Variants in ZNF486 observed in about 807,000 individuals in gnomAD.
ZNF486 encodes the protein KRAB box only protein 2.
A neutral mutation model predicts 12.8 loss-of-function variants in ZNF486; 12 were observed. The observed-to-expected ratio is 0.94, with a 90% CI of 0.60 to 1.52. The LOEUF is 1.52. Ranked by LOEUF, ZNF486 falls within the 40% of genes most tolerant of loss-of-function variation. The pLI, the probability that ZNF486 is intolerant of heterozygous loss-of-function variation, is 0.00. For synonymous variants in ZNF486, 231 were observed against 184.9 expected, an observed-to-expected ratio of 1.25 and a Z score of -2.02; for missense variants, 738 against 545.0, an observed-to-expected ratio of 1.35 and a Z score of -3.53.
At chr19:20,173,123 C>T (rs1555714159) in intron 1 of ZNF486, among the ~76,000 whole-genome samples, 2 of 152,208 alleles carry the variant, frequency 1.3e-5, no homozygotes, top group South Asian at 4.1e-4. Flanking sequence ...GTAGCTTCCT[C>T]ATGAAGTCTT....
intron 1 of ZNF486, among the ~76,000 whole-genome samples, chr19:20,170,193 G>C (rs375654185): frequency 1.3e-5 from 2 of 148,242 alleles, no homozygotes; most frequent in Non-Finnish European, 3.0e-5. Flanking sequence ...CACCGCGCCC[G>C]GCCAAAATGG....
intron 1 of ZNF486, among the ~76,000 whole-genome samples, chr19:20,180,092 C>T (rs1403929303): frequency 2.0e-5 from 3 of 152,210 alleles, no homozygotes; most frequent in Admixed American, 2.0e-4. Flanking sequence ...CCCTGGTTCA[C>T]CAGGAATTCC....
In ZNF486 at chr19:20,198,208, C is replaced by A. The variant is rs1347873706; in HGVS notation, c.*106C>A. On this transcript the variant is annotated 3_prime_UTR_variant, in exon 4 of 4. Coordinates refer to ENST00000335117, the MANE Select transcript of ZNF486 (RefSeq NM_052852.4). ...TTTGGCTCACCACAACCTCCACCTT[C>A]TGGGTTCAAGTAACTCTCCTTAGTA... 2 of 964,752 alleles carry A rather than the reference C, an allele frequency of 2.1e-6. No individual in the cohort carries two copies. Among genetic ancestry groups the A allele is most frequent in the Admixed American group, 5.5e-5 (2 of 36,216 alleles). 59.8% of individuals were successfully genotyped at this position (964,752 alleles called of 1,614,324 possible).
In ZNF486 at chr19:20,197,266, G is replaced by A. The variant is rs782360975; in HGVS notation, c.556G>A (p.Glu186Lys). ...TGAAAAAAAACCTTTGAAATATATA[G>A]AAGGTGACAAAGCTTTTAACCAGTC... ...HTEKKPLKYI[E>K]GDKAFNQSST... Residue 186 changes from glutamate to lysine, a missense_variant, in exon 4 of 4, where the codon GAA becomes AAA. Transcript: ENST00000335117. 2.5e-6 allele frequency: 4 copies of A among 1,610,980 alleles called. No homozygotes were observed. Among genetic ancestry groups the A allele is most frequent in the Non-Finnish European group, 3.4e-6 (4 of 1,179,244 alleles).
In ZNF486 at chr19:20,197,291, C is replaced by T. The variant is rs782722317; in HGVS notation, c.581C>T (p.Ser194Phe). ...GAAGGTGACAAAGCTTTTAACCAGT[C>T]CTCAACCCATACTACACATAAAAAA... Reference protein sequence around the residue: ...YIEGDKAFNQSSTHTTHKKID... With the variant: ...YIEGDKAFNQFSTHTTHKKID... Residue 194 changes from serine to phenylalanine, a missense_variant, in exon 4 of 4, where the codon TCC becomes TTC. Physicochemically the swap from Ser to Phe is radical, Grantham distance 155. Coordinates refer to ENST00000335117, the MANE Select transcript of ZNF486 (RefSeq NM_052852.4). 5 of 1,611,780 alleles carry T rather than the reference C, an allele frequency of 3.1e-6. No homozygotes were observed. Among genetic ancestry groups the T allele is most frequent in the Middle Eastern group, 1.7e-4 (1 of 5,976 alleles).
Position 20,200,469 on chromosome 19 carries a change from A to C in ZNF486, c.*2367A>C, listed in dbSNP as rs1555718756. The C allele has an allele frequency of 1.3e-5, 2 of 152,156 alleles. No homozygotes were observed. Among genetic ancestry groups the C allele is most frequent in the African/African-American group, 4.8e-5 (2 of 41,442 alleles). 9.4% of individuals were successfully genotyped at this position (152,156 alleles called of 1,614,324 possible). ...ACTTATTGTACTTTTATGTAATAAA[A>C]TGCAGTGCATTTAAAAATTGTTAGA... On this transcript the variant is annotated 3_prime_UTR_variant, in exon 4 of 4. Transcript: ENST00000335117.
Position 20,197,362 on chromosome 19 carries a change from G to T in ZNF486, c.652G>T (p.Ala218Ser), listed in dbSNP as rs782391147. 4 of 1,613,314 alleles carry T rather than the reference G, an allele frequency of 2.5e-6. No individual in the cohort carries two copies. In the Admixed American group the frequency reaches 6.7e-5, roughly 27 times the overall value. ...ATACAAATGTGAAGAATGTGGCAAA[G>T]CCTTCAACCGGTCCTCACACCTTAC... is the stretch of plus-strand genomic sequence containing the variant. The part of the protein sequence containing the change: ...KPYKCEECGK[A>S]FNRSSHLTTH... The change falls in exon 4 of 4, where the codon GCC (alanine) becomes TCC (serine). Residue 218 changes from alanine (A) to serine (S), a missense_variant. Ala to Ser is a moderately conservative substitution (Grantham distance 99). Transcript: ENST00000335117.
chr19:20,184,341 G>A lies in ZNF486; in HGVS notation c.31-15G>A. ...GGCGACTTGGTGAAAATGTGTGTGT[G>A]TGTGTGTTTTTCAGGAATCATTGCA... On this transcript the variant is annotated splice_polypyrimidine_tract_variant and intron_variant, in intron 1 of 3. Coordinates refer to ENST00000335117, the MANE Select transcript of ZNF486 (RefSeq NM_052852.4). 1 of 1,611,618 alleles carries A rather than the reference G, an allele frequency of 6.2e-7. No individual in the cohort carries two copies. Among genetic ancestry groups the A allele is most frequent in the East Asian group, 2.2e-5 (1 of 44,770 alleles).
At chr19:20,190,414 T>G (rs1430046184) in intron 3 of ZNF486, among the ~76,000 whole-genome samples, 3 of 152,244 alleles carry the variant, frequency 2.0e-5, no homozygotes, top group African/African-American at 7.2e-5. Flanking sequence ...TAAGACAAGA[T>G]CTTACCAACA....
At chr19:20,186,784 G>GTTGTTTTTTTTTTT (rs2089851620) in intron 3 of ZNF486, among the ~76,000 whole-genome samples, 1 of 122,482 alleles carries the variant, frequency 8.2e-6, no homozygotes, top group East Asian at 2.7e-4. Flanking sequence ...ATTTTCATAG[G>GTTGTTTTTTTTTTT]TTTTTTTTTT....
intron 1 of ZNF486, among the ~76,000 whole-genome samples, chr19:20,182,958 C>T (rs2089802413): frequency 6.6e-6 from 1 of 152,136 alleles, no homozygotes; most frequent in African/African-American, 2.4e-5. Context: ...AGAGCTGTGT[C>T]CACTCTGCCT....
chr19:20,198,341 G>T lies in ZNF486; in HGVS notation c.*239G>T, dbSNP rs528894963. The T allele has an allele frequency of 9.0e-6, 4 of 445,958 alleles. No homozygotes were observed. The highest frequency in any genetic ancestry group is 2.0e-5 in the African/African-American group (1 of 50,518). The allele number at this position is 445,958 out of a possible 1,614,324, so 27.6% of individuals were successfully genotyped here. A position where few individuals can be genotyped will look rare whatever the true frequency, so the allele number is the denominator to read the frequency against. On this transcript the variant is annotated 3_prime_UTR_variant, in exon 4 of 4. Coordinates refer to ENST00000335117, the MANE Select transcript of ZNF486 (RefSeq NM_052852.4). ...TGGTCTCAATCTCCTAACCTCAGGT[G>T]GTCTGCCTGCTTTGGCCTCCCAAAG...
chr19:20,167,898 T>C (rs781975677), intron 1 of ZNF486, among the ~76,000 whole-genome samples: 7 of 152,014 alleles, frequency 4.6e-5, no homozygotes, highest in Non-Finnish European at 8.8e-5. Flanking sequence ...GTTGTAAAAG[T>C]TGTAAAACAA....
intron 3 of ZNF486, among the ~76,000 whole-genome samples, chr19:20,188,197 G>A (rs1265732644): frequency 1.3e-5 from 2 of 152,052 alleles, no homozygotes; most frequent in African/African-American, 4.8e-5. Flanking sequence ...TAAGTGAGTA[G>A]TCATGGAGAT....
intron 3 of ZNF486, chr19:20,188,647 C>CA (rs1329053166): frequency 1.0e-5 from 4 of 390,462 alleles, no homozygotes; most frequent in Admixed American, 4.5e-5. Context: ...ACCCTGTCTC[C>CA]AAAAAACAAA....
rs78609855 is a variant in ZNF486 at position 20,180,292 on chromosome 19, A to G, written c.31-4064A>G. On this transcript the variant is annotated intron_variant, in intron 1 of 3. Coordinates refer to ENST00000335117, the MANE Select transcript of ZNF486 (RefSeq NM_052852.4). The stretch of plus-strand genomic sequence containing the variant: ...ATCAGAGTTTCTCCAGTTTCCTGGT[A>G]CTTGGATGATAAACAAGGAGGAGAT... 2.3e-3 allele frequency among the ~76,000 whole-genome samples: 350 copies of G among 152,328 alleles called. 10 individuals are homozygous for G. The East Asian group carries it at 0.062, about 27-fold the overall frequency.
chr19:20,197,556 T>G lies in ZNF486; in HGVS notation c.846T>G (p.Thr282=), dbSNP rs1555718246. The change falls in exon 4 of 4, where the codon ACT becomes ACG. Residue 282 remains threonine (T), a synonymous_variant. Transcript: ENST00000335117. ...GKAFMYPYTL[T]THKIIHTGEQ... is the part of the protein sequence containing the mutation. ...CCTTTATGTACCCCTATACCCTTAC[T>G]ACACATAAGATAATCCATACTGGAG... 3 of 1,613,552 alleles carry G rather than the reference T, an allele frequency of 1.9e-6. No individual in the cohort carries two copies. The highest frequency in any genetic ancestry group is 2.5e-6 in the Non-Finnish European group (3 of 1,179,708).
Position 20,197,302 on chromosome 19 carries a change from A to G in ZNF486, c.592A>G (p.Thr198Ala), listed in dbSNP as rs192927105. ...AGCTTTTAACCAGTCCTCAACCCAT[A>G]CTACACATAAAAAAATTGATACTGG... ...DKAFNQSSTHTTHKKIDTGEK... is the reference protein window; with the variant it reads ...DKAFNQSSTHATHKKIDTGEK... The change falls in exon 4 of 4, where the codon ACT becomes GCT. Residue 198 changes from threonine (T) to alanine (A), a missense_variant. By Grantham distance (58) the Thr-to-Ala change is moderately conservative. Coordinates refer to ENST00000335117, the MANE Select transcript of ZNF486 (RefSeq NM_052852.4). 3.3e-5 allele frequency: 54 copies of G among 1,612,290 alleles called. No homozygotes were observed. The African/African-American group carries it at 6.1e-4, about 18-fold the overall frequency.
rs181041229 is a variant in ZNF486, at chr19:20,184,511, A to T, written c.157+29A>T. ...AGGATAACTTAAATACATAATTCATAAAAAACCCCAAAAGTTTTATTTCTC... is the reference window on the plus strand; with the variant it reads ...AGGATAACTTAAATACATAATTCATTAAAAACCCCAAAAGTTTTATTTCTC... On this transcript the variant is annotated intron_variant, in intron 2 of 3. Coordinates refer to ENST00000335117, the MANE Select transcript of ZNF486 (RefSeq NM_052852.4). The T allele has an allele frequency of 1.2e-4, 182 of 1,547,596 alleles. 1 individual carries two copies. Among genetic ancestry groups the T allele is most frequent in the Admixed American group, 4.5e-4 (21 of 46,538 alleles).
Sources: gnomAD v4.1 joint callset for allele counts (sites outside exome capture counted in the v4.1 genomes callset) on GRCh38, gnomAD v4.1.1 for gene constraint, MANE v1.5 for transcripts, NCBI Gene and HGNC (gene_info 2026-07-23, HGNC 2026-07-21) for gene names.